Variants in WDR72 observed in about 807,000 individuals in gnomAD.
WDR72 encodes WD repeat domain 72, also known as WD repeat-containing protein 72.
In WDR72, 120 loss-of-function variants were observed where a neutral mutation model predicts 124.2. That is an observed-to-expected ratio of 0.97 (90% CI 0.83 to 1.12). The LOEUF is 1.12. WDR72 is among the 50% of genes most tolerant of loss of function. WDR72 has a pLI of 0.00. For synonymous variants in WDR72, 452 were observed against 441.7 expected (o/e 1.02, Z -0.29); for missense variants, 1,387 against 1,278.8 (o/e 1.08, Z -1.29).
At chr15:53,578,201 C>T (rs1466668330) in intron 18 of WDR72, among the ~76,000 whole-genome samples, 1 of 152,084 alleles carries the variant, frequency 6.6e-6, no homozygotes, top group African/African-American at 2.4e-5. Flanking sequence ...TATCCCCCTC[C>T]CTTCAGGAGC....
At chr15:53,665,464 A>G (rs1332601875) in intron 14 of WDR72, 108 bp downstream of exon 14, 1 of 1,230,886 alleles carries the variant, frequency 8.1e-7, no homozygotes, top group Non-Finnish European at 1.2e-6. Flanking sequence ...GCAGTCTCTT[A>G]GTTCTTGTTT....
At chr15:53,525,417 A>G (rs1159383990) in intron 18 of WDR72, among the ~76,000 whole-genome samples, 1 of 152,060 alleles carries the variant, frequency 6.6e-6, no homozygotes, top group African/African-American at 2.4e-5. Context: ...CTTGCCATCC[A>G]ACACACTATT....
At chr15:53,727,734 T>C (rs1406271415) in intron 2 of WDR72, among the ~76,000 whole-genome samples, 1 of 152,116 alleles carries the variant, frequency 6.6e-6, no homozygotes, top group South Asian at 2.1e-4. Context: ...GGACAAAATA[T>C]CAGAACAGAA....
intron 13 of WDR72, among the ~76,000 whole-genome samples, chr15:53,683,236 C>T (rs186550603): frequency 6.6e-6 from 1 of 152,208 alleles, no homozygotes; most frequent in Non-Finnish European, 1.5e-5. Context: ...TCAGGGTATA[C>T]ACACATACTT....
chr15:53,615,455 C>A lies in WDR72; in HGVS notation c.2751G>T (p.Met917Ile), dbSNP rs760231416. ...RLFLVNKLVN[M>I]PLELACRVGS... Reference sequence around the variant, plus strand: ...CAACTCTACATGCCAATTCTAAAGGCATGTTAACTAATTTATTAACTAAAA... The same window carrying A: ...CAACTCTACATGCCAATTCTAAAGGAATGTTAACTAATTTATTAACTAAAA... The change falls in exon 15 of 20, where the codon ATG becomes ATT. Residue 917 changes from methionine to isoleucine, a missense_variant. Coordinates refer to ENST00000360509, the MANE Select transcript of WDR72 (RefSeq NM_182758.4). 2 of 1,611,428 alleles carry A rather than the reference C, an allele frequency of 1.2e-6. No individual in the cohort carries two copies. Among genetic ancestry groups the A allele is most frequent in the Admixed American group, 3.4e-5 (2 of 59,692 alleles).
intron 19 of WDR72, among the ~76,000 whole-genome samples, chr15:53,522,964 A>G (rs987291605): frequency 1.3e-5 from 2 of 152,030 alleles, no homozygotes; most frequent in African/African-American, 4.8e-5. Flanking sequence ...CCTAAAATTG[A>G]TGATAATGAA....
In WDR72 at chr15:53,615,197, T is replaced by G. The variant is rs561939540; in HGVS notation, c.2780+229A>C. 2.6e-5 allele frequency among the ~76,000 whole-genome samples: 4 copies of G among 152,140 alleles called. No homozygotes were observed. In the East Asian group the frequency reaches 7.7e-4, roughly 29 times the overall value. Reference sequence around the variant, plus strand: ...CACATATTATGAGAACATTGAATATTTGTTGAGTTAATGAATTTTAAATCA... The same window carrying G: ...CACATATTATGAGAACATTGAATATGTGTTGAGTTAATGAATTTTAAATCA... On this transcript the variant is annotated intron_variant, in intron 15 of 19. Transcript: ENST00000360509.
intron 11 of WDR72, among the ~76,000 whole-genome samples, chr15:53,704,689 C>CTTTTT (rs66465971): frequency 3.2e-5 from 4 of 123,650 alleles, no homozygotes; most frequent in Non-Finnish European, 4.9e-5. Flanking sequence ...CCATGCCCAG[C>CTTTTT]TTTTTTTTTT....
chr15:53,661,627 T>C (rs112005970), intron 14 of WDR72, among the ~76,000 whole-genome samples: 10 of 152,254 alleles, frequency 6.6e-5, no homozygotes, highest in Non-Finnish European at 1.5e-4. Flanking sequence ...TTCATCATTG[T>C]CTAATACAAA....
intron 18 of WDR72, among the ~76,000 whole-genome samples, chr15:53,576,764 G>A (rs1332417506): frequency 6.6e-6 from 1 of 152,096 alleles, no homozygotes; most frequent in African/African-American, 2.4e-5. Context: ...CTGCAAAAAA[G>A]GTTATTATCT....
chr15:53,705,696 C>T (rs759092780), intron 10 of WDR72, among the ~76,000 whole-genome samples: 6 of 152,172 alleles, frequency 3.9e-5, no homozygotes, highest in Non-Finnish European at 8.8e-5. Context: ...GTCCTTTGCT[C>T]AGGCAATCCA....
chr15:53,722,330 C>T (rs1007410820), intron 3 of WDR72, among the ~76,000 whole-genome samples: 1 of 152,106 alleles, frequency 6.6e-6, no homozygotes. Context: ...CCACCGTGCC[C>T]GGCCTGTTAG....
At chr15:53,618,122 T>G (rs1355953763) in intron 14 of WDR72, among the ~76,000 whole-genome samples, 3 of 151,992 alleles carry the variant, frequency 2.0e-5, no homozygotes, top group Admixed American at 6.6e-5. Flanking sequence ...CCATTTGGAC[T>G]AAAAAGTAGA....
chr15:53,712,439 T>C (rs544246143), intron 7 of WDR72, among the ~76,000 whole-genome samples: 1 of 151,986 alleles, frequency 6.6e-6, no homozygotes, highest in Non-Finnish European at 1.5e-5. Context: ...CTCCTAAAAA[T>C]ACAAAACTTA....
At chr15:53,687,153 T>A (rs544467087) in intron 13 of WDR72, among the ~76,000 whole-genome samples, 2 of 147,234 alleles carry the variant, frequency 1.4e-5, no homozygotes, top group African/African-American at 2.5e-5. Flanking sequence ...TTAAAAGAAC[T>A]AGAAAAGCAA....
intron 18 of WDR72, among the ~76,000 whole-genome samples, chr15:53,551,655 T>A (rs1893734257): frequency 6.6e-6 from 1 of 152,126 alleles, no homozygotes; most frequent in African/African-American, 2.4e-5. Context: ...GTCCTATGTA[T>A]AAATCACAGA....
chr15:53,539,873 C>T (rs1374832982), intron 18 of WDR72, among the ~76,000 whole-genome samples: 1 of 152,006 alleles, frequency 6.6e-6, no homozygotes, highest in Non-Finnish European at 1.5e-5. Flanking sequence ...AAAGTAAAAT[C>T]TAACACTATG....
chr15:53,712,847 G>C lies in WDR72; in HGVS notation c.636C>G (p.Ser212=). The C allele has an allele frequency of 6.2e-7, 1 of 1,613,746 alleles. No homozygotes were observed. The highest frequency in any genetic ancestry group is 8.5e-7 in the Non-Finnish European group (1 of 1,179,860). The change falls in exon 7 of 20, where the codon TCC becomes TCG. Residue 212 remains serine, a synonymous_variant. Transcript: ENST00000360509. ...VYEKESKFLE[S]LNCQTIRFCT... is the part of the protein sequence containing the mutation. ...AAAATCGAATTGTCTGGCAGTTCAAGGACTCAAGAAACTTGGATTCTTTTT... is the reference window on the plus strand; with the variant it reads ...AAAATCGAATTGTCTGGCAGTTCAACGACTCAAGAAACTTGGATTCTTTTT...
intron 6 of WDR72, among the ~76,000 whole-genome samples, chr15:53,713,223 C>T (rs1169426566): frequency 3.4e-5 from 5 of 148,008 alleles, no homozygotes; most frequent in African/African-American, 9.9e-5. Context: ...TCAGGAAATC[C>T]ACTTAGATTC....
Sources: gnomAD v4.1 joint callset for allele counts (sites outside exome capture counted in the v4.1 genomes callset) on GRCh38, gnomAD v4.1.1 for gene constraint, MANE v1.5 for transcripts, NCBI Gene and HGNC (gene_info 2026-07-23, HGNC 2026-07-21) for gene names.